The following FADS2 variants were observed in gnomAD, a reference collection of about 807,000 sequenced individuals.
FADS2 encodes the protein acyl-CoA 6-desaturase.
FADS2 carries 18 observed loss-of-function variants against 61.2 expected under a neutral mutation model. The ratio of observed to expected loss-of-function variants is 0.29; its 90% CI spans 0.20 to 0.44. FADS2 has a LOEUF of 0.44. Among genes scored for constraint, FADS2 ranks in the 20% least tolerant of loss-of-function variants. The pLI, the probability that FADS2 is intolerant of heterozygous loss-of-function variation, is 1.00. For synonymous variants in FADS2, 203 were observed against 223.9 expected, an observed-to-expected ratio of 0.91 and a Z score of 0.83; for missense variants, 322 against 572.7, an observed-to-expected ratio of 0.56 and a Z score of 4.47.
At chr11:61,847,830 C>T in intron 4 of FADS2, 1 of 338,038 alleles carries the variant, frequency 3.0e-6, no homozygotes, top group Non-Finnish European at 5.8e-6. Context: ...GCTCTGGTTC[C>T]ACACCTGGTG....
Position 61,865,464 on chromosome 11 carries a change from G to A in FADS2, c.1284-174G>A. On this transcript the variant is annotated intron_variant, in intron 11 of 11. Transcript: ENST00000278840. The surrounding 1 kb of genome is among the most constrained non-coding windows in gnomAD (Gnocchi z 4.1). ...GCGAGAAGACCATCCCTTTCTGTGT[G>A]GGGTTCCTGGTGGGCTCTGAGCTGA... 1.0e-6 allele frequency: 1 copy of A among 960,692 alleles called. No homozygotes were observed. The highest frequency in any genetic ancestry group is 1.6e-6 in the Non-Finnish European group (1 of 644,106). 59.5% of individuals were successfully genotyped at this position (960,692 alleles called of 1,614,324 possible). A position where few individuals can be genotyped will look rare whatever the true frequency, so the allele number is the denominator to read the frequency against.
intron 4 of FADS2, among the ~76,000 whole-genome samples, chr11:61,843,894 A>G (rs967054627): frequency 1.3e-5 from 2 of 151,966 alleles, no homozygotes. Context: ...CTCCTGACCT[A>G]AGGTGATCCA....
At chr11:61,824,728 C>T (rs182556259), upstream of FADS2, among the ~76,000 whole-genome samples, 56 of 152,204 alleles carry the variant, frequency 3.7e-4, no homozygotes, top group Admixed American at 2.5e-3. Context: ...AATAGAGTAA[C>T]TCAGCCGTCT....
At chr11:61,824,467 A>T (rs1363380508), upstream of FADS2, among the ~76,000 whole-genome samples, 1 of 6,612 alleles carries the variant, frequency 1.5e-4, no homozygotes, top group Non-Finnish European at 8.4e-4. Flanking sequence ...AGGGAGAGAG[A>T]GAGAGAGAGA....
At chr11:61,819,438 C>T (rs1439944350) in intron 1 of FADS2, among the ~76,000 whole-genome samples, 4 of 152,032 alleles carry the variant, frequency 2.6e-5, no homozygotes, top group South Asian at 2.1e-4. Flanking sequence ...CCCAGCTACT[C>T]GGGAGGCTGA....
Position 61,866,278 on chromosome 11 carries a change from G to A in FADS2, c.*589G>A, listed in dbSNP as rs532459679. On this transcript the variant is annotated 3_prime_UTR_variant, in exon 12 of 12. Transcript: ENST00000278840. ...GTTAAGTACCCGAGGCCTCTCTTAA[G>A]ATGTCCAGGGCCCCAGGCCCGCGGG... 4 of 327,660 alleles carry A rather than the reference G, an allele frequency of 1.2e-5. No individual in the cohort carries two copies. In the East Asian group the frequency reaches 1.9e-4, roughly 15 times the overall value. The allele number at this position is 327,660 out of a possible 1,614,324, so 20.3% of individuals were successfully genotyped here.
chr11:61,828,040 G>T (rs2067097406), upstream of FADS2: 8 of 1,163,958 alleles, frequency 6.9e-6, no homozygotes, highest in Non-Finnish European at 8.5e-6. The surrounding 1 kb of genome is among the most constrained non-coding windows in gnomAD (Gnocchi z 6.4). Context: ...TGTGGAACCC[G>T]AGGCGGGGGG....
chr11:61,826,338 G>T (rs777697258), upstream of FADS2: 1 of 702,388 alleles, frequency 1.4e-6, no homozygotes, highest in Non-Finnish European at 2.6e-6. Flanking sequence ...GGCCCTGGCC[G>T]GTCCACGCTT....
At chr11:61,862,650 C>T in intron 7 of FADS2, 1 of 341,196 alleles carries the variant, frequency 2.9e-6, no homozygotes, top group Non-Finnish European at 5.5e-6. Flanking sequence ...GGCGCACCTT[C>T]AGAATCGCCC....
At chr11:61,843,390 A>C (rs2067231666) in intron 4 of FADS2, among the ~76,000 whole-genome samples, 2 of 152,224 alleles carry the variant, frequency 1.3e-5, no homozygotes, top group Admixed American at 1.3e-4. Flanking sequence ...TGATGGTGCC[A>C]CTACATTCCA....
At chr11:61,831,913 G>A (rs1182915688) in intron 1 of FADS2, among the ~76,000 whole-genome samples, 2 of 152,158 alleles carry the variant, frequency 1.3e-5, no homozygotes, top group Non-Finnish European at 2.9e-5. Flanking sequence ...GAGCGTGTCT[G>A]CTCTTTTCAC....
At chr11:61,824,409 A>G (rs2067054857), upstream of FADS2, among the ~76,000 whole-genome samples, 2 of 8,156 alleles carry the variant, frequency 2.5e-4, no homozygotes, top group Non-Finnish European at 7.2e-4. Context: ...AGAGAGAGAG[A>G]GAGAGAGAGA....
intron 1 of FADS2, among the ~76,000 whole-genome samples, chr11:61,817,921 G>C (rs1306017023): frequency 1.3e-5 from 2 of 152,194 alleles, no homozygotes; most frequent in East Asian, 3.8e-4. Context: ...ACCCTATGAG[G>C]TTGGAACAAT....
upstream of FADS2, chr11:61,826,438 T>C: frequency 4.3e-6 from 3 of 696,534 alleles, no homozygotes; most frequent in Non-Finnish European, 5.2e-6. Context: ...GGTTCTGCCT[T>C]TCAGCTATCA....
chr11:61,825,921 A>C (rs775442817), upstream of FADS2: 39 of 608,226 alleles, frequency 6.4e-5, no homozygotes, highest in Non-Finnish European at 1.0e-4. Context: ...AGGGAGGCAC[A>C]TGGCAGTGTC....
intron 1 of FADS2, among the ~76,000 whole-genome samples, chr11:61,833,099 G>A (rs1018130004): frequency 6.6e-6 from 1 of 152,194 alleles, no homozygotes; most frequent in African/African-American, 2.4e-5. Flanking sequence ...AAAGAGCGAA[G>A]TGTGACAAGC....
chr11:61,824,451 GGA>G (rs1565325231), upstream of FADS2, among the ~76,000 whole-genome samples: 1 of 5,496 alleles, frequency 1.8e-4, no homozygotes, highest in Non-Finnish European at 3.7e-4. Flanking sequence ...AGGGAGGGAG[GGA>G]GGGAGGGAGA....
intron 1 of FADS2, among the ~76,000 whole-genome samples, chr11:61,832,708 G>A (rs1325297959): frequency 1.3e-5 from 2 of 152,176 alleles, no homozygotes; most frequent in Non-Finnish European, 2.9e-5. Flanking sequence ...CTGCAGAAAG[G>A]AAGTCAGCAT....
upstream of FADS2, among the ~76,000 whole-genome samples, chr11:61,825,482 G>T (rs1219554235): frequency 6.6e-6 from 1 of 152,068 alleles, no homozygotes; most frequent in Admixed American, 6.6e-5. Context: ...GCCGGGCATG[G>T]TGGCGGGTGC....
Sources: allele counts gnomAD v4.1 joint callset (sites outside exome capture counted in the v4.1 genomes callset), GRCh38; gene constraint gnomAD v4.1.1; non-coding constraint Gnocchi (gnomAD v3.1); transcripts MANE v1.5; gene names NCBI Gene and HGNC (gene_info 2026-07-23, HGNC 2026-07-21).